Variants in LSP1 observed in about 807,000 individuals in gnomAD.
LSP1 encodes lymphocyte specific protein 1, also known as lymphocyte-specific protein 1.
Under a neutral mutation model 49.3 loss-of-function variants are expected in LSP1, and 32 were observed. That is an observed-to-expected ratio of 0.65 (90% CI 0.49 to 0.87). LSP1 has a LOEUF of 0.87. Among genes scored for constraint, LSP1 ranks in the 40% least tolerant of loss-of-function variants. The pLI is 0.00. For missense variants in LSP1, 428 were observed against 442.6 expected (o/e 0.97, Z 0.30); for synonymous variants, 179 against 178.8 (o/e 1.00, Z -0.01).
intron 4 of LSP1, 28 bp downstream of exon 4, chr11:1,883,588 G>T: frequency 6.3e-7 from 1 of 1,584,918 alleles, no homozygotes; most frequent in Non-Finnish European, 8.6e-7. Context: ...GAGGGTCTGG[G>T]TGTACCCCCA....
At chr11:1,868,427 C>A (rs546034318) in intron 1 of LSP1, among the ~76,000 whole-genome samples, 1 of 152,236 alleles carries the variant, frequency 6.6e-6, no homozygotes, top group Non-Finnish European at 1.5e-5. Flanking sequence ...GGCAGCCACA[C>A]CGTGCTTGGC....
In LSP1 at chr11:1,889,722, C is replaced by A. The variant is rs537540188; in HGVS notation, c.*14-2051C>A. 26 of 652,892 alleles carry A rather than the reference C, an allele frequency of 4.0e-5. No individual in the cohort carries two copies. In the East Asian group the frequency reaches 6.6e-4, roughly 16 times the overall value. 40.4% of individuals were successfully genotyped at this position (652,892 alleles called of 1,614,324 possible). On this transcript the variant is annotated intron_variant, in intron 10 of 10. Transcript: ENST00000311604. ...CTCCTCCAGGTGCTCTCTGCCAGGG[C>A]CCATGGGGACCAGGCTGTGCGGTGA...
intron 1 of LSP1, among the ~76,000 whole-genome samples, chr11:1,862,941 T>C (rs1398315331): frequency 1.3e-5 from 2 of 152,172 alleles, no homozygotes; most frequent in African/African-American, 4.8e-5. Flanking sequence ...CTCTGCAGCT[T>C]TGTGGATGCT....
At chr11:1,890,954 C>T (rs1006505307) in intron 10 of LSP1, 17 of 205,470 alleles carry the variant, frequency 8.3e-5, no homozygotes, top group East Asian at 5.4e-4. Flanking sequence ...GAGACGGAGA[C>T]GCGGGTGAGC....
chr11:1,870,127 T>C, intron 1 of LSP1: 1 of 533,332 alleles, frequency 1.9e-6, no homozygotes, highest in South Asian at 1.5e-5. Flanking sequence ...TGTGCCTCTT[T>C]AAACGGGGAT....
intron 3 of LSP1, among the ~76,000 whole-genome samples, chr11:1,882,442 C>A (rs1014758524): frequency 4.6e-5 from 7 of 152,188 alleles, no homozygotes; most frequent in African/African-American, 1.7e-4. Flanking sequence ...CTCCTACAAC[C>A]AGGCTCCCAC....
chr11:1,871,175 A>G, intron 1 of LSP1: 1 of 985,682 alleles, frequency 1.0e-6, no homozygotes, highest in African/African-American at 1.7e-5. Context: ...AGGAAGACAG[A>G]AAGCCATATG....
At position 1,884,646 on chromosome 11, in the gene LSP1, C is replaced by A; in HGVS notation, c.717+65C>A. 1 of 1,387,974 alleles carries A rather than the reference C, an allele frequency of 7.2e-7. No individual in the cohort carries two copies. Among genetic ancestry groups the A allele is most frequent in the Non-Finnish European group, 1.0e-6 (1 of 980,654 alleles). 86.0% of individuals were successfully genotyped at this position (1,387,974 alleles called of 1,614,324 possible). On this transcript the variant is annotated intron_variant, in intron 7 of 10. Transcript: ENST00000311604. The surrounding 1 kb of genome is among the most constrained non-coding windows in gnomAD (Gnocchi z 4.1). ...ATCCTGGCACCATTCCTTCATCCAACCAACGCCCTTCCATCCAATCAGTGC... is the reference window on the plus strand; with the variant it reads ...ATCCTGGCACCATTCCTTCATCCAAACAACGCCCTTCCATCCAATCAGTGC...
At chr11:1,853,679 G>A (rs1847417570) in intron 1 of LSP1, among the ~76,000 whole-genome samples, 2 of 152,220 alleles carry the variant, frequency 1.3e-5, no homozygotes, top group South Asian at 4.1e-4. Context: ...GAGGCCGCCA[G>A]GCTTGGGGCC....
chr11:1,871,356 C>T (rs1847999090), intron 1 of LSP1: 3 of 986,038 alleles, frequency 3.0e-6, no homozygotes, highest in Admixed American at 1.2e-4. Context: ...GAAACAGCTG[C>T]AGAGCGGGAC....
In LSP1 at chr11:1,883,994, G is replaced by A. The variant is rs778079878; in HGVS notation, c.561G>A (p.Gln187=). Residue 187 remains glutamine, a synonymous_variant, in exon 5 of 11, where the codon CAG becomes CAA. Coordinates refer to ENST00000311604, the MANE Select transcript of LSP1 (RefSeq NM_002339.3). ...TGGTCTTGGAGGGGACCATCGAACA[G>A]AGCTCGCCTCCCCTGAGCCCTACCA... ...SPLVLEGTIE[Q]SSPPLSPTTK... is the part of the protein sequence containing the mutation. 2 of 1,612,906 alleles carry A rather than the reference G, an allele frequency of 1.2e-6. No homozygotes were observed. Among genetic ancestry groups the A allele is most frequent in the Non-Finnish European group, 1.7e-6 (2 of 1,179,654 alleles).
intron 1 of LSP1, chr11:1,870,995 T>G: frequency 1.0e-6 from 1 of 985,506 alleles, no homozygotes; most frequent in Non-Finnish European, 1.2e-6. Flanking sequence ...GGCTCCTTGG[T>G]CCCCTCCTGC....
chr11:1,865,544 C>T (rs1565073605), intron 1 of LSP1, among the ~76,000 whole-genome samples: 1 of 146,316 alleles, frequency 6.8e-6, no homozygotes, highest in Non-Finnish European at 1.5e-5. Flanking sequence ...ACCGTCCCAC[C>T]CGCACCGCCG....
chr11:1,860,318 T>G (rs1313620560), intron 1 of LSP1, among the ~76,000 whole-genome samples: 3 of 151,874 alleles, frequency 2.0e-5, no homozygotes, highest in Non-Finnish European at 4.4e-5. Context: ...GGTGGATGGA[T>G]GGAGGGATGA....
rs539673172 is a variant in LSP1 at position 1,867,439 on chromosome 11, C to T, written c.54-12648C>T. The stretch of plus-strand genomic sequence containing the variant: ...ATGATCTCTTCTCTGCAGCCTCCAA[C>T]AGCTCGGACTTCCCCAGTCCCAGCC... On this transcript the variant is annotated intron_variant, in intron 1 of 10. Coordinates refer to ENST00000311604, the MANE Select transcript of LSP1 (RefSeq NM_002339.3). Among the ~76,000 whole-genome samples, 83 of 151,020 alleles carry T rather than the reference C, an allele frequency of 5.5e-4. 1 individual carries two copies. Among genetic ancestry groups the T allele is most frequent in the Non-Finnish European group, 7.5e-4 (51 of 67,882 alleles).
At chr11:1,867,036 C>T (rs1224544467) in intron 1 of LSP1, 8 of 1,020,246 alleles carry the variant, frequency 7.8e-6, no homozygotes, top group Non-Finnish European at 1.1e-5. Context: ...TCCCTGTGGA[C>T]CTGGGGAGGA....
intron 1 of LSP1, among the ~76,000 whole-genome samples, chr11:1,875,519 C>A (rs1848271439): frequency 6.6e-6 from 1 of 152,252 alleles, no homozygotes; most frequent in African/African-American, 2.4e-5. Context: ...CAAATCCCTG[C>A]TCATCTTTCA....
intron 10 of LSP1, chr11:1,890,851 C>T (rs1402419027): frequency 7.8e-6 from 4 of 514,702 alleles, no homozygotes; most frequent in African/African-American, 1.9e-5. Flanking sequence ...TAGAACCTGC[C>T]TCCAGGGCTC....
At chr11:1,881,305 C>A (rs1339522066) in intron 2 of LSP1, 127 bp from the exon 3 acceptor site, 2 of 923,754 alleles carry the variant, frequency 2.2e-6, no homozygotes, top group Non-Finnish European at 3.2e-6. Context: ...CCAGAGCCAG[C>A]TCTGTGGCAG....
Sources: gnomAD v4.1 joint callset for allele counts (sites outside exome capture counted in the v4.1 genomes callset) on GRCh38, gnomAD v4.1.1 for gene constraint, Gnocchi (gnomAD v3.1) non-coding constraint, MANE v1.5 for transcripts, NCBI Gene and HGNC (gene_info 2026-07-23, HGNC 2026-07-21) for gene names.